The following RFC1 variants were observed in gnomAD, a reference collection of about 807,000 sequenced individuals.
RFC1 encodes A1 140 kDa subunit.
Under a neutral mutation model 137.4 loss-of-function variants are expected in RFC1, and 37 were observed. The observed-to-expected ratio is 0.27, with a 90% confidence interval of 0.21 to 0.35. RFC1 has a LOEUF of 0.35. RFC1 is among the 10% of genes least tolerant of loss of function. The pLI is 1.00. For synonymous variants in RFC1, 429 were observed against 455.7 expected, an observed-to-expected ratio of 0.94 and a Z score of 0.75; for missense variants, 1,205 against 1,358.5, an observed-to-expected ratio of 0.89 and a Z score of 1.78.
At chr4:39,363,036 C>A (rs1284743957) in intron 1 of RFC1, among the ~76,000 whole-genome samples, 2 of 152,216 alleles carry the variant, frequency 1.3e-5, no homozygotes, top group Non-Finnish European at 2.9e-5. Context: ...TGAAACAGTT[C>A]AGACCACAAT....
intron 4 of RFC1, among the ~76,000 whole-genome samples, chr4:39,333,746 C>T (rs1230700928): frequency 6.6e-6 from 1 of 152,104 alleles, no homozygotes; most frequent in Non-Finnish European, 1.5e-5. Flanking sequence ...TAACAGAGCC[C>T]TTCTCTGAAT....
rs76241377 is a variant in RFC1, at chr4:39,304,860, A to G, written c.2064T>C (p.Ile688=). ...TGGTATTGTTCAGTGACTCAGCAAC[A>G]ATCGCCTTCAAACTGCTCTTACTCC... The part of the protein sequence containing the change: ...DTRSKSSLKA[I]VAESLNNTSI... Residue 688 remains isoleucine (I), a synonymous_variant, in exon 15 of 25, where the codon ATT becomes ATC. Coordinates refer to ENST00000349703, the MANE Select transcript of RFC1 (RefSeq NM_002913.5). 700 of 1,613,760 alleles carry G rather than the reference A, an allele frequency of 4.3e-4. 5 individuals carry two copies. The African/African-American group carries it at 8.5e-3, about 20-fold the overall frequency.
Position 39,300,075 on chromosome 4 carries a change from G to T in RFC1, c.2754C>A (p.Asp918Glu), listed in dbSNP as rs1170040935. Residue 918 changes from aspartate (D) to glutamate (E), a missense_variant, in exon 21 of 25, where the codon GAC becomes GAA. Transcript: ENST00000349703. ...SRAADSICDG[D>E]LVDSQIRSKQ... ...TACTCCGGATCTGGCTGTCCACTAG[G>T]TCACCATCGCATATGCTGTCTGCTG... The T allele has an allele frequency of 6.2e-7, 1 of 1,614,038 alleles. No homozygotes were observed. Among genetic ancestry groups the T allele is most frequent in the African/African-American group, 1.3e-5 (1 of 74,916 alleles).
At chr4:39,356,000 CAA>C (rs34018537) in intron 1 of RFC1, 8 of 84,514 alleles carry the variant, frequency 9.5e-5, no homozygotes, top group Admixed American at 1.3e-4. Flanking sequence ...GACTTCACCT[CAA>C]AAAAAAAAAA....
Position 39,327,668 on chromosome 4 carries a change from G to A in RFC1, c.420C>T (p.Asn140=). 1 of 1,613,392 alleles carries A rather than the reference G, an allele frequency of 6.2e-7. No individual in the cohort carries two copies. Among genetic ancestry groups the A allele is most frequent in the Non-Finnish European group, 8.5e-7 (1 of 1,179,764 alleles). The change falls in exon 5 of 25, where the codon AAC becomes AAT. Residue 140 remains asparagine (N), a synonymous_variant. Coordinates refer to ENST00000349703, the MANE Select transcript of RFC1 (RefSeq NM_002913.5). The part of the protein sequence containing the change: ...RSTNSHLGTS[N]MKKNEENTKT... Reference sequence around the variant, plus strand: ...TAGTGTTTTCTTCATTCTTTTTCATGTTTGATGTTCCAAGATGACTATTTG... The same window carrying A: ...TAGTGTTTTCTTCATTCTTTTTCATATTTGATGTTCCAAGATGACTATTTG...
intron 1 of RFC1, among the ~76,000 whole-genome samples, chr4:39,358,176 G>A (rs1213689759): frequency 2.0e-5 from 3 of 152,036 alleles, no homozygotes; most frequent in Non-Finnish European, 4.4e-5. Flanking sequence ...TAGGGAGGCT[G>A]AGACAGGAGA....
chr4:39,296,029 A>C, intron 21 of RFC1: 1 of 294,408 alleles, frequency 3.4e-6, no homozygotes. Flanking sequence ...CAAGCAACTA[A>C]TCTCAACATA....
At chr4:39,301,330 A>G (rs1738351936) in intron 19 of RFC1, among the ~76,000 whole-genome samples, 1 of 152,232 alleles carries the variant, frequency 6.6e-6, no homozygotes, top group Non-Finnish European at 1.5e-5. Context: ...TGTTCAGGAC[A>G]GTGAAACTAT....
intron 4 of RFC1, among the ~76,000 whole-genome samples, chr4:39,335,884 G>C (rs570169378): frequency 6.6e-6 from 1 of 151,606 alleles, no homozygotes; most frequent in Non-Finnish European, 1.5e-5. Flanking sequence ...ATTATATATT[G>C]TATTGTATTA....
intron 13 of RFC1, 150 bp downstream of exon 13, chr4:39,308,486 G>A: frequency 9.7e-7 from 1 of 1,030,686 alleles, no homozygotes; most frequent in Non-Finnish European, 1.4e-6. Context: ...ACCACCAGCA[G>A]GGTCTAGTAC....
chr4:39,345,132 A>G, intron 3 of RFC1, among the ~76,000 whole-genome samples: 1 of 152,086 alleles, frequency 6.6e-6, no homozygotes, highest in East Asian at 1.9e-4. Context: ...CTCATATCTC[A>G]GCCTCCTGAG....
intron 4 of RFC1, among the ~76,000 whole-genome samples, chr4:39,329,722 A>T (rs976108303): frequency 6.6e-6 from 1 of 151,754 alleles, no homozygotes; most frequent in African/African-American, 2.4e-5. Flanking sequence ...ACCTGTCTCT[A>T]AAAAAAACTT....
chr4:39,306,700 T>G lies in RFC1; in HGVS notation c.1887A>C (p.Ala629=), dbSNP rs771740865. The change falls in exon 14 of 25, where the codon GCA becomes GCC. Residue 629 remains alanine, a splice_region_variant and synonymous_variant. Coordinates refer to ENST00000349703, the MANE Select transcript of RFC1 (RefSeq NM_002913.5). ...QKSSSEDKKH[A]KFGKFSGKDD... ...CTTTGCCGGAAAATTTACCAAACTT[T>G]GCTGCTAGGAAAAAAGAAGTTCCAG... 1 of 1,604,756 alleles carries G rather than the reference T, an allele frequency of 6.2e-7. No homozygotes were observed. Among genetic ancestry groups the G allele is most frequent in the Non-Finnish European group, 8.5e-7 (1 of 1,171,590 alleles).
intron 4 of RFC1, among the ~76,000 whole-genome samples, chr4:39,337,774 T>G (rs1740430451): frequency 6.6e-6 from 1 of 152,126 alleles, no homozygotes; most frequent in South Asian, 2.1e-4. Flanking sequence ...CCAAGAATAT[T>G]TTCTGCTACT....
At chr4:39,357,604 C>T (rs1741539616) in intron 1 of RFC1, among the ~76,000 whole-genome samples, 1 of 151,788 alleles carries the variant, frequency 6.6e-6, no homozygotes, top group Non-Finnish European at 1.5e-5. Context: ...TTTTATTCAT[C>T]CAGGAGCTAA....
chr4:39,323,669 T>C (rs925598539), intron 6 of RFC1, among the ~76,000 whole-genome samples: 7 of 152,214 alleles, frequency 4.6e-5, no homozygotes, highest in African/African-American at 1.7e-4. Context: ...TAAAGTCATA[T>C]TTCTTACTTA....
rs17288835 is a variant in RFC1, at chr4:39,288,680, G to A, written c.*81C>T. ...TTATGCTAAAACATGGTTGCTCTGG[G>A]AAAAAACAAGGCTTTCTCTAGACCA... On this transcript the variant is annotated 3_prime_UTR_variant, in exon 25 of 25. Coordinates refer to ENST00000349703, the MANE Select transcript of RFC1 (RefSeq NM_002913.5). 3,067 of 884,424 alleles carry A rather than the reference G, an allele frequency of 3.5e-3. 34 individuals are homozygous for A. The highest frequency in any genetic ancestry group is 0.032 in the African/African-American group (1,885 of 59,244). The allele number at this position is 884,424 out of a possible 1,614,324, so 54.8% of individuals were successfully genotyped here.
At chr4:39,342,316 GCATCT>G (rs1302746240) in intron 4 of RFC1, 24 bp downstream of exon 4, 2 of 1,596,872 alleles carry the variant, frequency 1.3e-6, no homozygotes, top group Non-Finnish European at 8.5e-7. Flanking sequence ...AACACACACG[GCATCT>G]CATATACCAC....
chr4:39,295,908 T>G, intron 21 of RFC1, 149 bp from the exon 22 acceptor site: 1 of 568,540 alleles, frequency 1.8e-6, no homozygotes, highest in Non-Finnish European at 2.9e-6. Context: ...TCTATAACTC[T>G]GATCTGCTGG....
Sources: gnomAD v4.1 joint callset for allele counts (sites outside exome capture counted in the v4.1 genomes callset) on GRCh38, gnomAD v4.1.1 for gene constraint, MANE v1.5 for transcripts, NCBI Gene and HGNC (gene_info 2026-07-23, HGNC 2026-07-21) for gene names.